Variants in FHIT observed in about 807,000 individuals in gnomAD.
The protein encoded by FHIT is bis(5'-adenosyl)-triphosphatase.
A neutral mutation model predicts 17.9 loss-of-function variants in FHIT; 19 were observed. The ratio of observed to expected loss-of-function variants is 1.06; its 90% CI spans 0.74 to 1.56. The LOEUF (loss-of-function observed/expected upper bound fraction) is 1.56. FHIT is among the 40% of genes most tolerant of loss of function. The pLI is 0.00. For synonymous variants in FHIT, 81 were observed against 69.7 expected, an observed-to-expected ratio of 1.16 and a Z score of -0.81; for missense variants, 248 against 189.2, an observed-to-expected ratio of 1.31 and a Z score of -1.82.
intron 5 of FHIT, among the ~76,000 whole-genome samples, chr3:60,285,885 T>A (rs1246888957): frequency 6.6e-6 from 1 of 152,236 alleles, no homozygotes; most frequent in Non-Finnish European, 1.5e-5. Flanking sequence ...GTCTTTTCTT[T>A]ATGCTAGATA....
chr3:61,136,789 G>A (rs1317497327), intron 2 of FHIT, among the ~76,000 whole-genome samples: 1 of 152,208 alleles, frequency 6.6e-6, no homozygotes, highest in African/African-American at 2.4e-5. Context: ...TCTGTCGAAT[G>A]AAGGACTATC....
intron 4 of FHIT, among the ~76,000 whole-genome samples, chr3:60,821,293 T>G (rs150724103): frequency 1.3e-5 from 2 of 152,226 alleles, no homozygotes; most frequent in African/African-American, 2.4e-5. Flanking sequence ...ATTCAACATA[T>G]CCGGTGAAAT....
At chr3:60,977,561 A>G (rs1710314528) in intron 3 of FHIT, among the ~76,000 whole-genome samples, 1 of 152,056 alleles carries the variant, frequency 6.6e-6, no homozygotes, top group Non-Finnish European at 1.5e-5. Flanking sequence ...GCAGTGGGGG[A>G]TGCTGGCATG....
At chr3:59,844,856 A>C (rs2106764843) in intron 8 of FHIT, among the ~76,000 whole-genome samples, 1 of 152,200 alleles carries the variant, frequency 6.6e-6, no homozygotes, top group East Asian at 1.9e-4. Flanking sequence ...AATTTTTTTG[A>C]AAAGTTTGAA....
At chr3:60,448,586 G>A (rs2031503269) in intron 5 of FHIT, among the ~76,000 whole-genome samples, 1 of 152,150 alleles carries the variant, frequency 6.6e-6, no homozygotes, top group African/African-American at 2.4e-5. Flanking sequence ...AGTCAAGGTA[G>A]TAAGCAGAGA....
intron 5 of FHIT, among the ~76,000 whole-genome samples, chr3:60,051,833 A>C (rs1229722343): frequency 6.6e-6 from 1 of 152,164 alleles, no homozygotes; most frequent in African/African-American, 2.4e-5. Context: ...AACAACATAC[A>C]GGAAAAAAAT....
intron 5 of FHIT, among the ~76,000 whole-genome samples, chr3:60,096,385 G>C (rs1401262350): frequency 1.3e-5 from 2 of 152,008 alleles, no homozygotes; most frequent in South Asian, 4.2e-4. Context: ...GGTAGTACTC[G>C]AAAAAGCAAC....
intron 3 of FHIT, among the ~76,000 whole-genome samples, chr3:60,860,365 C>CATATGTATACATGACATAT (rs1703648353): frequency 6.9e-6 from 1 of 144,640 alleles, no homozygotes; most frequent in African/African-American, 2.7e-5. Flanking sequence ...ACATGACATA[C>CATATGTATACATGACATAT]ATCATATGTA....
chr3:60,370,808 C>T (rs1056361763), intron 5 of FHIT, among the ~76,000 whole-genome samples: 1 of 152,222 alleles, frequency 6.6e-6, no homozygotes, highest in Non-Finnish European at 1.5e-5. Context: ...ATTCACAACA[C>T]AGCTTCTAAG....
intron 4 of FHIT, among the ~76,000 whole-genome samples, chr3:60,729,495 T>G (rs1240867514): frequency 3.3e-5 from 5 of 152,092 alleles, no homozygotes; most frequent in African/African-American, 1.2e-4. Context: ...AAAGCAAAAC[T>G]TGAAAACAAA....
intron 5 of FHIT, among the ~76,000 whole-genome samples, chr3:60,280,571 C>T (rs370193954): frequency 1.3e-5 from 2 of 152,084 alleles, no homozygotes. Context: ...CACTGTCACA[C>T]CCACACCCAC....
intron 7 of FHIT, among the ~76,000 whole-genome samples, chr3:59,952,607 C>G (rs574004515): frequency 2.2e-4 from 33 of 152,294 alleles, no homozygotes; most frequent in African/African-American, 7.5e-4. Context: ...TTCAAGCTAC[C>G]CTCCCATTAT....
chr3:61,193,244 C>G (rs1453919504), intron 2 of FHIT, among the ~76,000 whole-genome samples: 1 of 152,118 alleles, frequency 6.6e-6, no homozygotes, highest in African/African-American at 2.4e-5. Context: ...ATTGGGCTTT[C>G]CTGGTATTGG....
chr3:59,942,901 G>A (rs938704589), intron 7 of FHIT, among the ~76,000 whole-genome samples: 4 of 151,680 alleles, frequency 2.6e-5, no homozygotes, highest in South Asian at 2.1e-4. Flanking sequence ...CTCCCACCTC[G>A]GCCTCCCAAA....
chr3:60,160,037 A>G (rs1700869435), intron 5 of FHIT, among the ~76,000 whole-genome samples: 1 of 152,302 alleles, frequency 6.6e-6, no homozygotes, highest in East Asian at 1.9e-4. Context: ...ACAGAGAAAC[A>G]TATTGACGGA....
At chr3:59,824,883 C>A (rs1042604666) in intron 8 of FHIT, among the ~76,000 whole-genome samples, 1 of 152,202 alleles carries the variant, frequency 6.6e-6, no homozygotes, top group South Asian at 2.1e-4. Flanking sequence ...CTCCTAACCC[C>A]CACCATTGTA....
intron 8 of FHIT, among the ~76,000 whole-genome samples, chr3:59,890,190 A>G (rs1703795512): frequency 6.6e-6 from 1 of 152,088 alleles, no homozygotes; most frequent in Non-Finnish European, 1.5e-5. Flanking sequence ...GAGAGGATAA[A>G]GCCTGCAGGG....
intron 5 of FHIT, among the ~76,000 whole-genome samples, chr3:60,137,924 G>A (rs1699882231): frequency 6.6e-6 from 1 of 152,126 alleles, no homozygotes; most frequent in Non-Finnish European, 1.5e-5. Context: ...CTCATATCCT[G>A]TGGCCCACTG....
chr3:61,096,301 G>T (rs955252258), intron 2 of FHIT, among the ~76,000 whole-genome samples: 1 of 152,180 alleles, frequency 6.6e-6, no homozygotes, highest in Non-Finnish European at 1.5e-5. Flanking sequence ...CAGGCACAAA[G>T]TTCCTGCCAC....
Sources: allele counts gnomAD v4.1 joint callset (sites outside exome capture counted in the v4.1 genomes callset), GRCh38; gene constraint gnomAD v4.1.1; transcripts MANE v1.5; gene names NCBI Gene and HGNC (gene_info 2026-07-23, HGNC 2026-07-21).